The following CELF2 variants were observed in gnomAD, a reference collection of about 807,000 sequenced individuals.
CELF2 encodes the protein CUGBP Elav-like family member 2, also known as CUG triplet repeat RNA-binding protein 2.
A neutral mutation model predicts 62.6 loss-of-function variants in CELF2; 8 were observed. The observed-to-expected ratio is 0.13, with a 90% CI of 0.07 to 0.23. The LOEUF (loss-of-function observed/expected upper bound fraction) is 0.23. CELF2 is among the 10% of genes least tolerant of loss of function. The pLI is 1.00. For missense variants in CELF2, 333 were observed against 671.0 expected (o/e 0.50, Z 5.56); for synonymous variants, 258 against 250.0 (o/e 1.03, Z -0.30).
the CELF2 span, among the ~76,000 whole-genome samples, chr10:10,621,487 A>C: frequency 6.6e-6 from 1 of 152,194 alleles, no homozygotes; most frequent in Admixed American, 6.5e-5. Flanking sequence ...TGAGACAATC[A>C]TGAGAGCCTC....
intron 2 of CELF2, among the ~76,000 whole-genome samples, chr10:11,206,015 C>A (rs1184904356): frequency 6.6e-6 from 1 of 152,196 alleles, no homozygotes; most frequent in Non-Finnish European, 1.5e-5. Context: ...CGTCCTTATT[C>A]CATTTCCAGA....
intron 1 of CELF2, among the ~76,000 whole-genome samples, chr10:11,088,666 G>T (rs1424982369): frequency 6.6e-6 from 1 of 152,222 alleles, no homozygotes; most frequent in Non-Finnish European, 1.5e-5. Flanking sequence ...TTTGTTGGGT[G>T]TGGTGGGTAC....
the CELF2 span, among the ~76,000 whole-genome samples, chr10:10,472,166 T>C: frequency 2.0e-5 from 3 of 151,858 alleles, no homozygotes; most frequent in African/African-American, 7.2e-5. Context: ...ATTCTGTAAC[T>C]ATTTTTTTCA....
chr10:10,824,083 A>C (rs1399890060), intron 1 of CELF2, among the ~76,000 whole-genome samples: 1 of 152,222 alleles, frequency 6.6e-6, no homozygotes, highest in African/African-American at 2.4e-5. Flanking sequence ...GCTAGCTGCA[A>C]CTGAGAGATA....
chr10:10,698,639 TC>T, the CELF2 span, among the ~76,000 whole-genome samples: 1 of 152,194 alleles, frequency 6.6e-6, no homozygotes, highest in African/African-American at 2.4e-5. Flanking sequence ...CGTTTTGGTC[TC>T]AACTACTTCC....
chr10:10,687,722 T>C, the CELF2 span, among the ~76,000 whole-genome samples: 1 of 152,230 alleles, frequency 6.6e-6, no homozygotes, highest in Non-Finnish European at 1.5e-5. Flanking sequence ...ATTTCTAGAA[T>C]TAATGCTGTC....
At chr10:11,126,756 G>A (rs2058768158) in intron 1 of CELF2, among the ~76,000 whole-genome samples, 2 of 152,108 alleles carry the variant, frequency 1.3e-5, no homozygotes, top group East Asian at 1.9e-4. Flanking sequence ...CTGGTAGTTA[G>A]CATTTTATAT....
chr10:10,550,077 G>A, the CELF2 span, among the ~76,000 whole-genome samples: 83,311 of 152,016 alleles, frequency 0.55, 23,745 homozygotes, highest in African/African-American at 0.68. Context: ...CTCTCCAAAG[G>A]CTATTAATAG....
the CELF2 span, among the ~76,000 whole-genome samples, chr10:10,757,951 C>A: frequency 6.6e-6 from 1 of 152,304 alleles, no homozygotes; most frequent in East Asian, 1.9e-4. Context: ...AGCCCCGGGA[C>A]CTTCTCTCTG....
At chr10:11,231,480 C>G (rs1051714659) in intron 3 of CELF2, among the ~76,000 whole-genome samples, 1 of 152,060 alleles carries the variant, frequency 6.6e-6, no homozygotes, top group Non-Finnish European at 1.5e-5. Flanking sequence ...AGGAGACAAG[C>G]TAGGGTATCA....
At chr10:11,233,860 T>A (rs1406258598) in intron 3 of CELF2, among the ~76,000 whole-genome samples, 2 of 152,190 alleles carry the variant, frequency 1.3e-5, no homozygotes, top group Non-Finnish European at 2.9e-5. Context: ...GTTATCCCTG[T>A]AATCCCCATG....
chr10:10,942,226 G>A (rs1220742443), intron 2 of CELF2, among the ~76,000 whole-genome samples: 1 of 152,118 alleles, frequency 6.6e-6, no homozygotes, highest in African/African-American at 2.4e-5. Context: ...CCAAAAGTTA[G>A]CTGCTTAAAA....
At chr10:10,798,561 AG>A, upstream of CELF2, 1 of 393,196 alleles carries the variant, frequency 2.5e-6, no homozygotes. Flanking sequence ...GGTGGTGTGG[AG>A]CTGGGAGCCG....
At position 11,264,854 on chromosome 10, in the gene CELF2, C is replaced by T. The variant is rs182846802; in HGVS notation, c.539-1744C>T. 1.1e-3 allele frequency among the ~76,000 whole-genome samples: 164 copies of T among 152,362 alleles called. 1 individual carries two copies. In the Middle Eastern group the frequency reaches 0.014, roughly 13 times the overall value. ...CAGCTGCCATGCTGTCAGAGAACCA[C>T]ATGAGACAGCTCAGCATTCACCGTG... On this transcript the variant is annotated intron_variant, in intron 5 of 12. Coordinates refer to ENST00000633077, the MANE Select transcript of CELF2 (RefSeq NM_001326342.2).
the CELF2 span, among the ~76,000 whole-genome samples, chr10:10,642,719 A>G: frequency 6.6e-6 from 1 of 152,264 alleles, no homozygotes; most frequent in Non-Finnish European, 1.5e-5. Flanking sequence ...TAGCAAAAGG[A>G]ATGAATAGTA....
chr10:10,803,961 G>A (rs2054939628), intron 1 of CELF2, among the ~76,000 whole-genome samples: 1 of 152,146 alleles, frequency 6.6e-6, no homozygotes, highest in African/African-American at 2.4e-5. Flanking sequence ...GTGTTATGTG[G>A]AATGAATGAA....
chr10:10,855,401 C>T (rs758560379), intron 1 of CELF2, among the ~76,000 whole-genome samples: 5 of 152,198 alleles, frequency 3.3e-5, no homozygotes, highest in Admixed American at 1.3e-4. Context: ...CCAGCCTGCA[C>T]GTCTAAATCC....
chr10:11,321,507 G>T lies in CELF2; in HGVS notation c.1294+121G>T. The T allele has an allele frequency of 2.4e-5, 18 of 738,410 alleles. No individual in the cohort carries two copies. The highest frequency in any genetic ancestry group is 3.3e-5 in the Non-Finnish European group (16 of 485,834). 45.7% of individuals were successfully genotyped at this position (738,410 alleles called of 1,614,324 possible). On this transcript the variant is annotated intron_variant, in intron 11 of 12. Coordinates refer to ENST00000633077, the MANE Select transcript of CELF2 (RefSeq NM_001326342.2). This position sits in a 1 kb window ranked among gnomAD's most constrained non-coding sequence, Gnocchi z 6.2. ...TGTCATAACAGAAAGCAGTTGTTTTGTTATTCATGTTTAAAAAAAAAAAAA... is the reference window on the plus strand; with the variant it reads ...TGTCATAACAGAAAGCAGTTGTTTTTTTATTCATGTTTAAAAAAAAAAAAA...
At chr10:10,909,855 G>GT (rs370826931) in intron 1 of CELF2, among the ~76,000 whole-genome samples, 13,512 of 152,304 alleles carry the variant, frequency 0.089, 1,289 homozygotes, top group African/African-American at 0.24. Flanking sequence ...CCTCATGAAA[G>GT]AGGGGGCTCA....
Sources: gnomAD v4.1 joint callset for allele counts (sites outside exome capture counted in the v4.1 genomes callset) on GRCh38, gnomAD v4.1.1 for gene constraint, Gnocchi (gnomAD v3.1) non-coding constraint, MANE v1.5 for transcripts, NCBI Gene and HGNC (gene_info 2026-07-23, HGNC 2026-07-21) for gene names.